BCL11A: variants seen among roughly 807,000 people sequenced by gnomAD.
The protein encoded by BCL11A is BCL11 transcription factor A, also known as B cell CLL/lymphoma 11A.
A neutral mutation model predicts 55.9 loss-of-function variants in BCL11A; 2 were observed. The observed-to-expected ratio is 0.04, with a 90% CI of 0.01 to 0.11. The LOEUF (loss-of-function observed/expected upper bound fraction) is 0.11. BCL11A is among the 10% of genes least tolerant of loss of function. BCL11A has a pLI of 1.00. For missense variants in BCL11A, 817 were observed against 1,137.1 expected, an observed-to-expected ratio of 0.72 and a Z score of 4.05; for synonymous variants, 465 against 473.4, an observed-to-expected ratio of 0.98 and a Z score of 0.23.
At position 60,467,849 on chromosome 2, in the gene BCL11A, C is replaced by G. The variant is rs370400599; in HGVS notation, c.487+883G>C. 3.6e-3 allele frequency among the ~76,000 whole-genome samples: 125 copies of G among 34,570 alleles called. 1 individual carries two copies. The highest frequency in any genetic ancestry group is 7.0e-3 in the South Asian group (8 of 1,150). 22.7% of individuals were successfully genotyped at this position (34,570 alleles called of 152,430 possible). A position where few individuals can be genotyped will look rare whatever the true frequency, so the allele number is the denominator to read the frequency against. Reference sequence around the variant, plus strand: ...GGTGATGGTGGTGGTGGTGGTGATGCTACTGGTGGTGATGGTACTGGTGGT... The same window carrying G: ...GGTGATGGTGGTGGTGGTGGTGATGGTACTGGTGGTGATGGTACTGGTGGT... On this transcript the variant is annotated intron_variant, in intron 3 of 3. Coordinates refer to ENST00000642384, the MANE Select transcript of BCL11A (RefSeq NM_022893.4).
chr2:60,511,551 C>A (rs1194004427), intron 2 of BCL11A, among the ~76,000 whole-genome samples: 1 of 151,616 alleles, frequency 6.6e-6, no homozygotes, highest in African/African-American at 2.4e-5. Context: ...TTTCCTTCTT[C>A]TTTTTTGGGG....
At chr2:60,482,589 G>A (rs112280737) in intron 2 of BCL11A, among the ~76,000 whole-genome samples, 51 of 152,302 alleles carry the variant, frequency 3.3e-4, no homozygotes, top group African/African-American at 5.8e-4. Context: ...CACTTCTCGC[G>A]TATGTGAAGG....
intron 1 of BCL11A, among the ~76,000 whole-genome samples, chr2:60,552,897 G>T (rs999753060): frequency 6.6e-6 from 1 of 152,008 alleles, no homozygotes; most frequent in Non-Finnish European, 1.5e-5. Context: ...CGGGGCGGGG[G>T]GGGAGTGGAA....
intron 1 of BCL11A, among the ~76,000 whole-genome samples, chr2:60,552,599 T>G (rs1670461710): frequency 6.6e-6 from 1 of 152,218 alleles, no homozygotes; most frequent in African/African-American, 2.4e-5. Flanking sequence ...CTCCGCGGAC[T>G]CAGGAGCGCC....
At chr2:60,531,720 C>T (rs914145547) in intron 2 of BCL11A, among the ~76,000 whole-genome samples, 2 of 152,170 alleles carry the variant, frequency 1.3e-5, no homozygotes, top group Non-Finnish European at 1.5e-5. Context: ...CACCAGGAGA[C>T]GCTGACCCCA....
rs767464558 is a variant in BCL11A at position 60,459,116 on chromosome 2, G to A, written c.*1288C>T. The stretch of plus-strand genomic sequence containing the variant: ...AGTTTTAAATGGCAAATAGTACCAC[G>A]TTGTGCTAATAAATCATATTATTTT... On this transcript the variant is annotated 3_prime_UTR_variant, in exon 4 of 4. Transcript: ENST00000642384. The A allele has an allele frequency of 2.4e-5, 24 of 1,020,958 alleles. No homozygotes were observed. The highest frequency in any genetic ancestry group is 1.0e-4 in the African/African-American group (6 of 58,782). 63.2% of individuals were successfully genotyped at this position (1,020,958 alleles called of 1,614,324 possible).
In BCL11A at chr2:60,457,308, A is replaced by G; in HGVS notation, c.*3096T>C. 9.8e-7 allele frequency: 1 copy of G among 1,020,522 alleles called. No homozygotes were observed. The highest frequency in any genetic ancestry group is 1.2e-6 in the Non-Finnish European group (1 of 850,216). The allele number at this position is 1,020,522 out of a possible 1,614,324, so 63.2% of individuals were successfully genotyped here. On this transcript the variant is annotated 3_prime_UTR_variant, in exon 4 of 4. Coordinates refer to ENST00000642384, the MANE Select transcript of BCL11A (RefSeq NM_022893.4). ...AGTGGTTTTTCCAATAGAACTTAACAAAGACCAGAAACAAATACAATAAAA... is the reference window on the plus strand; with the variant it reads ...AGTGGTTTTTCCAATAGAACTTAACGAAGACCAGAAACAAATACAATAAAA...
intron 2 of BCL11A, among the ~76,000 whole-genome samples, chr2:60,482,811 C>T (rs1171669317): frequency 6.6e-6 from 1 of 152,202 alleles, no homozygotes. Context: ...CAGTGCCTTG[C>T]TTTCTAGAAT....
In BCL11A at chr2:60,546,398, T is replaced by TA; in HGVS notation, c.56-99dup. 9.8e-7 allele frequency: 1 copy of TA among 1,023,016 alleles called. No individual in the cohort carries two copies. Among genetic ancestry groups the TA allele is most frequent in the East Asian group, 2.5e-5 (1 of 40,552 alleles). The allele number at this position is 1,023,016 out of a possible 1,614,324, so 63.4% of individuals were successfully genotyped here. On this transcript the variant is annotated intron_variant, in intron 1 of 3. Transcript: ENST00000642384. The surrounding 1 kb of genome is among the most constrained non-coding windows in gnomAD (Gnocchi z 4.1). Reference sequence around the variant, plus strand: ...CCCCATGCCATCCCACCACATCATGTAAAGTGTTTCTAGGCTTCTCTATAT... The same window carrying TA: ...CCCCATGCCATCCCACCACATCATGTAAAAGTGTTTCTAGGCTTCTCTATAT...
chr2:60,534,563 T>A (rs1459802226), intron 2 of BCL11A: 1 of 152,208 alleles, frequency 6.6e-6, no homozygotes, highest in East Asian at 1.9e-4. Flanking sequence ...AGTGCCTCAA[T>A]CATATACTTA....
intron 2 of BCL11A, among the ~76,000 whole-genome samples, chr2:60,515,239 T>C (rs1668681097): frequency 6.6e-6 from 1 of 152,186 alleles, no homozygotes; most frequent in African/African-American, 2.4e-5. Flanking sequence ...TTTCACTTTT[T>C]CACTTTCTCC....
At chr2:60,475,253 G>T (rs765221909) in intron 2 of BCL11A, among the ~76,000 whole-genome samples, 1 of 152,198 alleles carries the variant, frequency 6.6e-6, no homozygotes, top group Non-Finnish European at 1.5e-5. Flanking sequence ...GCTTTCACAA[G>T]TGCGTATTTT....
At chr2:60,508,152 T>A (rs1454568783) in intron 2 of BCL11A, among the ~76,000 whole-genome samples, 1 of 152,144 alleles carries the variant, frequency 6.6e-6, no homozygotes, top group African/African-American at 2.4e-5. Flanking sequence ...AAGTAGTTAT[T>A]CATCTCAAAG....
intron 1 of BCL11A, among the ~76,000 whole-genome samples, 196 bp downstream of exon 1, chr2:60,553,020 G>A (rs554024926): frequency 1.4e-4 from 22 of 151,834 alleles, no homozygotes; most frequent in African/African-American, 4.8e-4. Context: ...TCTCAAAAGT[G>A]CATACACGGC....
intron 2 of BCL11A, chr2:60,545,061 A>G (rs1573094424): frequency 1.3e-5 from 2 of 152,386 alleles, no homozygotes. Flanking sequence ...ACATTGTGTT[A>G]TAGCAGAAAC....
chr2:60,467,189 A>ATGGTGGTGG (rs1206647252), intron 3 of BCL11A, among the ~76,000 whole-genome samples: 3 of 51,192 alleles, frequency 5.9e-5, no homozygotes, highest in Non-Finnish European at 8.1e-5. Flanking sequence ...GGTGGTGGTG[A>ATGGTGGTGG]TGGTGGTGGT....
At chr2:60,525,294 T>C (rs775966315) in intron 2 of BCL11A, 3 of 152,242 alleles carry the variant, frequency 2.0e-5, no homozygotes, top group Non-Finnish European at 4.4e-5. Flanking sequence ...CATTACATTC[T>C]TTGGAGTTTT....
At chr2:60,476,025 G>C (rs1377971962) in intron 2 of BCL11A, among the ~76,000 whole-genome samples, 2 of 152,174 alleles carry the variant, frequency 1.3e-5, no homozygotes, top group Non-Finnish European at 2.9e-5. Context: ...ATTAGATGGG[G>C]TGGCTTCTCT....
chr2:60,510,481 G>C (rs1398074503), intron 2 of BCL11A, among the ~76,000 whole-genome samples: 2 of 152,040 alleles, frequency 1.3e-5, no homozygotes, highest in Middle Eastern at 3.2e-3. Flanking sequence ...CTATTTAAAA[G>C]CCTGGTCACC....
Sources: allele counts gnomAD v4.1 joint callset (sites outside exome capture counted in the v4.1 genomes callset), GRCh38; gene constraint gnomAD v4.1.1; non-coding constraint Gnocchi (gnomAD v3.1); transcripts MANE v1.5; gene names NCBI Gene and HGNC (gene_info 2026-07-23, HGNC 2026-07-21).